The following CDH20 variants were observed in gnomAD, a reference collection of about 807,000 sequenced individuals.
The protein encoded by CDH20 is cadherin-20.
Under a neutral mutation model 74.2 loss-of-function variants are expected in CDH20, and 29 were observed. The observed-to-expected ratio is 0.39, with a 90% CI of 0.29 to 0.53. CDH20 has a LOEUF of 0.53. CDH20 is among the 20% of genes least tolerant of loss of function. The pLI is 0.69. For missense variants in CDH20, 988 were observed against 1,048.3 expected, an observed-to-expected ratio of 0.94 and a Z score of 0.79; for synonymous variants, 469 against 405.4, an observed-to-expected ratio of 1.16 and a Z score of -1.88.
At chr18:61,348,120 A>G (rs1449021409) in intron 1 of CDH20, among the ~76,000 whole-genome samples, 3 of 152,152 alleles carry the variant, frequency 2.0e-5, no homozygotes, top group Admixed American at 6.5e-5. Flanking sequence ...GGGGTGGTCC[A>G]CTGGAACATT....
At chr18:61,547,211 C>T (rs1913280028) in intron 10 of CDH20, among the ~76,000 whole-genome samples, 1 of 151,820 alleles carries the variant, frequency 6.6e-6, no homozygotes, top group Admixed American at 6.6e-5. Flanking sequence ...ACCTGTAGTC[C>T]CAGCTACTTG....
At position 61,528,359 on chromosome 18, in the gene CDH20, G is replaced by GC. The variant is rs1555683448; in HGVS notation, c.1271+139_1271+140insC. On this transcript the variant is annotated intron_variant, in intron 7 of 11. Coordinates refer to ENST00000262717, the MANE Select transcript of CDH20 (RefSeq NM_031891.4). ...CTCTCCTCTTTGAGTTTTTTGTGTT[G>GC]TTTTTTTTTTTTTCCCTTAAATAAC... 4,263 of 623,284 alleles carry GC rather than the reference G, an allele frequency of 6.8e-3. 101 individuals are homozygous for GC. In the African/African-American group the frequency reaches 0.079, roughly 11 times the overall value. The allele number at this position is 623,284 out of a possible 1,614,324, so 38.6% of individuals were successfully genotyped here.
At chr18:61,393,972 CCTT>C (rs1194320470) in intron 1 of CDH20, among the ~76,000 whole-genome samples, 2 of 152,064 alleles carry the variant, frequency 1.3e-5, no homozygotes, top group African/African-American at 4.8e-5. Context: ...GCCCCACTCT[CCTT>C]CTCATTAATT....
At chr18:61,394,760 T>C (rs1911907837) in intron 1 of CDH20, among the ~76,000 whole-genome samples, 1 of 152,000 alleles carries the variant, frequency 6.6e-6, no homozygotes, top group East Asian at 1.9e-4. Flanking sequence ...CTCCATGGTG[T>C]TTACCAATGT....
At chr18:61,480,033 A>G (rs1374570239) in intron 1 of CDH20, among the ~76,000 whole-genome samples, 1 of 152,244 alleles carries the variant, frequency 6.6e-6, no homozygotes, top group Admixed American at 6.5e-5. Context: ...GAATAAAAAC[A>G]TTCTAAAAGG....
At chr18:61,541,556 C>A (rs1913039659) in intron 9 of CDH20, among the ~76,000 whole-genome samples, 1 of 152,178 alleles carries the variant, frequency 6.6e-6, no homozygotes, top group East Asian at 1.9e-4. Flanking sequence ...ATACAGTGAT[C>A]TGAAGTACAG....
intron 1 of CDH20, among the ~76,000 whole-genome samples, chr18:61,460,332 G>C (rs1018627337): frequency 2.0e-5 from 3 of 152,066 alleles, no homozygotes; most frequent in Non-Finnish European, 4.4e-5. Flanking sequence ...AACTCCTTTG[G>C]GTACATTTGC....
At chr18:61,471,628 A>G (rs1910180995) in intron 1 of CDH20, among the ~76,000 whole-genome samples, 2 of 152,190 alleles carry the variant, frequency 1.3e-5, no homozygotes, top group South Asian at 4.1e-4. Context: ...ACGTAGAAGC[A>G]AAATGCAAAA....
At chr18:61,524,857 G>A (rs1470339161) in intron 6 of CDH20, among the ~76,000 whole-genome samples, 3 of 152,020 alleles carry the variant, frequency 2.0e-5, no homozygotes, top group African/African-American at 7.3e-5. Flanking sequence ...GGAGGCAGAC[G>A]TTGCAGTGAG....
intron 1 of CDH20, among the ~76,000 whole-genome samples, chr18:61,364,706 G>C (rs778537023): frequency 2.0e-5 from 3 of 152,148 alleles, no homozygotes; most frequent in Non-Finnish European, 2.9e-5. Context: ...TGATCTCTGC[G>C]CATGTCAGCT....
intron 1 of CDH20, among the ~76,000 whole-genome samples, chr18:61,392,710 T>C (rs1264140355): frequency 6.7e-6 from 1 of 149,508 alleles, no homozygotes; most frequent in Non-Finnish European, 1.5e-5. Flanking sequence ...AAGGCTAGAA[T>C]AAGGATTTGC....
intron 10 of CDH20, among the ~76,000 whole-genome samples, chr18:61,545,797 A>T (rs1324756545): frequency 6.6e-6 from 1 of 152,240 alleles, no homozygotes; most frequent in African/African-American, 2.4e-5. Context: ...TTTGGCACTG[A>T]AACAGCTTTA....
rs1911507553 is a variant in CDH20, at chr18:61,383,659, T to G, written c.-153+49832T>G. Among the ~76,000 whole-genome samples the G allele has an allele frequency of 3.3e-5, 5 of 152,310 alleles. No individual in the cohort carries two copies. The South Asian group carries it at 1.0e-3, about 32-fold the overall frequency. Reference sequence around the variant, plus strand: ...AGAAAATTTCAGTTACCTGAAATATTTACATATCTGAAATTCTACTGAGAG... The same window carrying G: ...AGAAAATTTCAGTTACCTGAAATATGTACATATCTGAAATTCTACTGAGAG... On this transcript the variant is annotated intron_variant, in intron 1 of 11. Coordinates refer to ENST00000262717, the MANE Select transcript of CDH20 (RefSeq NM_031891.4).
intron 8 of CDH20, 141 bp from the exon 9 acceptor site, chr18:61,538,883 C>G (rs1343710058): frequency 2.5e-6 from 2 of 803,478 alleles, no homozygotes; most frequent in South Asian, 1.7e-5. Flanking sequence ...CCTCCCGCCT[C>G]GGCCTCCCAA....
intron 3 of CDH20, 150 bp downstream of exon 3, chr18:61,499,630 C>T: frequency 1.5e-6 from 1 of 647,484 alleles, no homozygotes. Flanking sequence ...ATAAAGCAAC[C>T]AAAAATGACG....
chr18:61,514,421 T>C (rs1234077865), intron 6 of CDH20, among the ~76,000 whole-genome samples: 1 of 152,220 alleles, frequency 6.6e-6, no homozygotes, highest in Admixed American at 6.5e-5. Flanking sequence ...TTCAAAGTTT[T>C]CTACTTCTTT....
At chr18:61,377,011 T>C (rs1307123123) in intron 1 of CDH20, among the ~76,000 whole-genome samples, 1 of 152,118 alleles carries the variant, frequency 6.6e-6, no homozygotes, top group Non-Finnish European at 1.5e-5. Context: ...AAGTAGAGAA[T>C]AATTTATTCT....
At chr18:61,498,237 T>C (rs1239536019) in intron 2 of CDH20, among the ~76,000 whole-genome samples, 3 of 151,828 alleles carry the variant, frequency 2.0e-5, no homozygotes. Context: ...CCCACTCTAC[T>C]AAAAATATAA....
At chr18:61,480,629 A>G (rs1910557609) in intron 1 of CDH20, among the ~76,000 whole-genome samples, 1 of 152,164 alleles carries the variant, frequency 6.6e-6, no homozygotes, top group South Asian at 2.1e-4. Context: ...TTCGAATAGG[A>G]TGGGAGGCAG....
Sources: gnomAD v4.1 joint callset for allele counts (sites outside exome capture counted in the v4.1 genomes callset) on GRCh38, gnomAD v4.1.1 for gene constraint, MANE v1.5 for transcripts, NCBI Gene and HGNC (gene_info 2026-07-23, HGNC 2026-07-21) for gene names.